CRACR2A: variants seen among roughly 807,000 people sequenced by gnomAD.
CRACR2A encodes calcium release activated channel regulator 2A, also known as EF-hand calcium-binding domain-containing protein 4B.
CRACR2A carries 79 observed loss-of-function variants against 90.5 expected under a neutral mutation model. That is an observed-to-expected ratio of 0.87 (90% CI 0.73 to 1.05). The LOEUF is 1.05. CRACR2A is among the 50% of genes least tolerant of loss of function. The pLI is 0.00. For synonymous variants in CRACR2A, 338 were observed against 356.7 expected (o/e 0.95, Z 0.59); for missense variants, 823 against 897.2 (o/e 0.92, Z 1.06).
chr12:3,723,145 C>A (rs1298936538), intron 2 of CRACR2A, among the ~76,000 whole-genome samples: 1 of 152,208 alleles, frequency 6.6e-6, no homozygotes, highest in Non-Finnish European at 1.5e-5. Flanking sequence ...AGCCCGGGGA[C>A]TATCTGTCTT....
At chr12:3,663,081 T>G (rs2137519525) in intron 7 of CRACR2A, among the ~76,000 whole-genome samples, 1 of 152,326 alleles carries the variant, frequency 6.6e-6, no homozygotes, top group Middle Eastern at 3.4e-3. Flanking sequence ...TCTTAAATAG[T>G]CCTGAACAAC....
At chr12:3,638,055 C>CT in intron 14 of CRACR2A, 69 bp downstream of exon 14, 1 of 1,442,330 alleles carries the variant, frequency 6.9e-7, no homozygotes, top group South Asian at 1.4e-5. Flanking sequence ...TCTCCGGGCG[C>CT]TTGGCCTCAA....
rs1397182935 is a variant in CRACR2A, at chr12:3,746,316, A to T, written c.-387+6699T>A. Among the ~76,000 whole-genome samples, 1 of 151,398 alleles carries T rather than the reference A, an allele frequency of 6.6e-6. No homozygotes were observed. The highest frequency in any genetic ancestry group is 2.4e-5 in the African/African-American group (1 of 41,112). On this transcript the variant is annotated intron_variant, in intron 1 of 19. Coordinates refer to ENST00000440314, the MANE Select transcript of CRACR2A (RefSeq NM_001144958.2). This position sits in a 1 kb window ranked among gnomAD's most constrained non-coding sequence, Gnocchi z 4.4. ...AGGTCATGAGGGTGGGGCCCTCATG[A>T]TGGGATTAGTGCCCATCATGAAGAG...
intron 2 of CRACR2A, chr12:3,731,204 T>C (rs1407293882): frequency 6.6e-6 from 1 of 152,424 alleles, no homozygotes; most frequent in Non-Finnish European, 1.5e-5. Context: ...AGGGGGAAAG[T>C]GATGCACTCC....
At chr12:3,727,632 T>C (rs990662228) in intron 2 of CRACR2A, 1 of 152,214 alleles carries the variant, frequency 6.6e-6, no homozygotes, top group Non-Finnish European at 1.5e-5. Flanking sequence ...TTATTCCATT[T>C]AGGCTTCTCT....
intron 14 of CRACR2A, among the ~76,000 whole-genome samples, chr12:3,636,620 C>G (rs1385053462): frequency 6.6e-6 from 1 of 152,232 alleles, no homozygotes; most frequent in African/African-American, 2.4e-5. Context: ...CTCCTACTGA[C>G]CTCTTCTTTC....
chr12:3,747,396 C>T (rs1425937766), intron 1 of CRACR2A, among the ~76,000 whole-genome samples: 1 of 152,192 alleles, frequency 6.6e-6, no homozygotes, highest in African/African-American at 2.4e-5. Flanking sequence ...CCCTGGAGTT[C>T]CGTCTTTGGT....
chr12:3,684,826 T>G (rs1945524290), intron 4 of CRACR2A, among the ~76,000 whole-genome samples: 1 of 152,200 alleles, frequency 6.6e-6, no homozygotes, highest in Non-Finnish European at 1.5e-5. Flanking sequence ...GAGCTGCCTG[T>G]CATTGCAGAC....
intron 3 of CRACR2A, among the ~76,000 whole-genome samples, chr12:3,708,255 G>A (rs1945957702): frequency 6.6e-6 from 1 of 152,038 alleles, no homozygotes; most frequent in African/African-American, 2.4e-5. Flanking sequence ...ATGAAAGCCC[G>A]GTCCTCCTGC....
chr12:3,737,392 A>T (rs1262528112), intron 1 of CRACR2A, among the ~76,000 whole-genome samples: 1 of 152,146 alleles, frequency 6.6e-6, no homozygotes, highest in Admixed American at 6.5e-5. Context: ...CAGGTTAGAG[A>T]TTTGGGACAT....
At chr12:3,735,726 G>A (rs1452042346) in intron 1 of CRACR2A, among the ~76,000 whole-genome samples, 1 of 152,166 alleles carries the variant, frequency 6.6e-6, no homozygotes, top group African/African-American at 2.4e-5. Flanking sequence ...AGGCTACACT[G>A]GTGGTTCTCA....
At chr12:3,618,428 A>G (rs1402684176) in intron 18 of CRACR2A, among the ~76,000 whole-genome samples, 1 of 152,238 alleles carries the variant, frequency 6.6e-6, no homozygotes, top group African/African-American at 2.4e-5. Flanking sequence ...TTTCTGCCAG[A>G]TAAAATACAA....
chr12:3,745,825 T>TAAAATAAAATAAAATAAAAG (rs149739964), intron 1 of CRACR2A, among the ~76,000 whole-genome samples: 5 of 100,486 alleles, frequency 5.0e-5, no homozygotes, highest in Non-Finnish European at 7.9e-5. Flanking sequence ...TAAAATAAAA[T>TAAAATAAAATAAAATAAAAG]AAAGAAAGAA....
intron 4 of CRACR2A, among the ~76,000 whole-genome samples, chr12:3,691,323 T>G (rs1373680454): frequency 1.3e-5 from 2 of 152,238 alleles, no homozygotes; most frequent in Non-Finnish European, 1.5e-5. Flanking sequence ...CAGGAGCTCT[T>G]GTAAAGCAGG....
intron 7 of CRACR2A, among the ~76,000 whole-genome samples, chr12:3,663,712 GCTGA>G (rs1161981511): frequency 6.6e-6 from 1 of 152,166 alleles, no homozygotes; most frequent in African/African-American, 2.4e-5. Context: ...GCAGATTAGA[GCTGA>G]CTATTACCTC....
At chr12:3,620,917 G>A (rs1944117984) in intron 17 of CRACR2A, among the ~76,000 whole-genome samples, 1 of 152,212 alleles carries the variant, frequency 6.6e-6, no homozygotes, top group Non-Finnish European at 1.5e-5. Flanking sequence ...AGCCACTGAT[G>A]GCATATATGG....
chr12:3,737,544 A>G (rs1470687265), intron 1 of CRACR2A, among the ~76,000 whole-genome samples: 1 of 152,194 alleles, frequency 6.6e-6, no homozygotes. Flanking sequence ...GAGTGGATAC[A>G]TGGAGGCTGG....
intron 17 of CRACR2A, among the ~76,000 whole-genome samples, chr12:3,623,579 G>A (rs1022567196): frequency 2.0e-5 from 3 of 152,180 alleles, no homozygotes; most frequent in African/African-American, 4.8e-5. Flanking sequence ...GGGCCTTAGA[G>A]CCTGACTAGT....
intron 5 of CRACR2A, 86 bp downstream of exon 5, chr12:3,680,152 C>G: frequency 9.1e-7 from 1 of 1,104,492 alleles, no homozygotes; most frequent in Non-Finnish European, 1.4e-6. Context: ...TACCTGCCCC[C>G]CAGGTCTACA....
Sources: gnomAD v4.1 joint callset for allele counts (sites outside exome capture counted in the v4.1 genomes callset) on GRCh38, gnomAD v4.1.1 for gene constraint, Gnocchi (gnomAD v3.1) non-coding constraint, MANE v1.5 for transcripts, NCBI Gene and HGNC (gene_info 2026-07-23, HGNC 2026-07-21) for gene names.